TMEM131: variants seen among roughly 807,000 people sequenced by gnomAD.
TMEM131 encodes 2610524E03Rik.
Under a neutral mutation model 211.6 loss-of-function variants are expected in TMEM131, and 66 were observed. The ratio of observed to expected loss-of-function variants is 0.31; its 90% CI spans 0.26 to 0.38. The LOEUF (loss-of-function observed/expected upper bound fraction) is 0.38. Ranked by LOEUF, TMEM131 falls within the 10% of genes least tolerant of loss-of-function variation. TMEM131 has a pLI of 1.00. For missense variants in TMEM131, 2,036 were observed against 2,299.3 expected, an observed-to-expected ratio of 0.89 and a Z score of 2.34; for synonymous variants, 844 against 841.3, an observed-to-expected ratio of 1.00 and a Z score of -0.06.
intron 7 of TMEM131, among the ~76,000 whole-genome samples, chr2:97,838,288 A>G (rs2105082725): frequency 6.6e-6 from 1 of 152,310 alleles, no homozygotes; most frequent in East Asian, 1.9e-4. Context: ...CTTAAAAAGA[A>G]AAAATATATT....
chr2:97,946,612 G>A (rs1215445808), intron 1 of TMEM131, among the ~76,000 whole-genome samples: 2 of 151,858 alleles, frequency 1.3e-5, no homozygotes, highest in East Asian at 3.9e-4. Context: ...TTCTCACAAA[G>A]ATAACTCCAG....
chr2:97,892,578 G>A (rs989823523), intron 3 of TMEM131, among the ~76,000 whole-genome samples: 1 of 152,136 alleles, frequency 6.6e-6, no homozygotes, highest in Non-Finnish European at 1.5e-5. Context: ...CCCCAGGCTA[G>A]TTTCAAACTC....
At chr2:97,961,661 A>G (rs953016028) in intron 1 of TMEM131, among the ~76,000 whole-genome samples, 5 of 152,230 alleles carry the variant, frequency 3.3e-5, no homozygotes, top group Non-Finnish European at 7.3e-5. Context: ...AACCAAGCTA[A>G]TACAGAACTG....
At chr2:97,985,862 A>T (rs1680003927) in intron 1 of TMEM131, among the ~76,000 whole-genome samples, 1 of 152,084 alleles carries the variant, frequency 6.6e-6, no homozygotes, top group South Asian at 2.1e-4. Context: ...AGAGATTTGC[A>T]TTTAAAGATG....
chr2:97,823,545 A>G (rs1018422442), intron 11 of TMEM131, among the ~76,000 whole-genome samples: 6 of 152,224 alleles, frequency 3.9e-5, no homozygotes, highest in African/African-American at 1.4e-4. Context: ...TTAGCCAAGT[A>G]AATGATAGAA....
At position 97,858,122 on chromosome 2, in the gene TMEM131, G is replaced by A. The variant is rs76257258; in HGVS notation, c.483+1182C>T. 9.9e-4 allele frequency among the ~76,000 whole-genome samples: 150 copies of A among 152,210 alleles called. 3 individuals are homozygous for A. The East Asian group carries it at 0.016, about 16-fold the overall frequency. ...TATGATGAAACAGGATTTTAGAGAGGAGAAATGTAAACATCAAATAAATGA... is the reference window on the plus strand; with the variant it reads ...TATGATGAAACAGGATTTTAGAGAGAAGAAATGTAAACATCAAATAAATGA... On this transcript the variant is annotated intron_variant, in intron 5 of 40. Coordinates refer to ENST00000186436, the MANE Select transcript of TMEM131 (RefSeq NM_015348.2).
At chr2:97,836,781 G>A (rs1423321042) in intron 8 of TMEM131, among the ~76,000 whole-genome samples, 1 of 151,966 alleles carries the variant, frequency 6.6e-6, no homozygotes, top group African/African-American at 2.4e-5. Context: ...TAAATTATCA[G>A]ACTCAGAGAC....
At chr2:97,796,183 T>C (rs952406376) in intron 28 of TMEM131, 35 bp downstream of exon 28, 13 of 1,262,258 alleles carry the variant, frequency 1.0e-5, no homozygotes, top group Middle Eastern at 2.4e-4. Context: ...TGAGGAAAGT[T>C]AGTGATTCAT....
chr2:97,868,303 T>C (rs1018053035), intron 4 of TMEM131, among the ~76,000 whole-genome samples: 1 of 150,916 alleles, frequency 6.6e-6, no homozygotes, highest in African/African-American at 2.4e-5. Flanking sequence ...TCTATGTCTA[T>C]CTATCTATCT....
chr2:97,921,654 G>A (rs886994103), intron 2 of TMEM131, among the ~76,000 whole-genome samples: 10 of 152,094 alleles, frequency 6.6e-5, no homozygotes, highest in Admixed American at 2.0e-4. Flanking sequence ...GTGAGGTTAC[G>A]GCTCCAGGAA....
chr2:97,857,483 G>A (rs113299266), intron 5 of TMEM131, among the ~76,000 whole-genome samples: 1 of 152,160 alleles, frequency 6.6e-6, no homozygotes, highest in African/African-American at 2.4e-5. Flanking sequence ...GAAGTGTTCA[G>A]AAACAACAAA....
At chr2:97,937,190 G>A (rs148336137) in intron 1 of TMEM131, among the ~76,000 whole-genome samples, 2 of 152,042 alleles carry the variant, frequency 1.3e-5, no homozygotes, top group Non-Finnish European at 2.9e-5. Flanking sequence ...TGAGAACAAC[G>A]CTTCACCAAA....
Position 97,756,870 on chromosome 2 carries a change from T to C in TMEM131, c.*229A>G, listed in dbSNP as rs1678511966. 2 of 448,066 alleles carry C rather than the reference T, an allele frequency of 4.5e-6. No individual in the cohort carries two copies. Among genetic ancestry groups the C allele is most frequent in the Non-Finnish European group, 7.7e-6 (2 of 260,604 alleles). The allele number at this position is 448,066 out of a possible 1,614,324, so 27.8% of individuals were successfully genotyped here. A position where few individuals can be genotyped will look rare whatever the true frequency, so the allele number is the denominator to read the frequency against. On this transcript the variant is annotated 3_prime_UTR_variant, in exon 41 of 41. Transcript: ENST00000186436. ...TACAGGTCTTATTAGAGTTTGTGGC[T>C]GAGTCCAGACTTTTCTCTAAAAGCA...
intron 1 of TMEM131, among the ~76,000 whole-genome samples, chr2:97,931,939 C>T (rs1043483949): frequency 2.0e-5 from 3 of 152,156 alleles, no homozygotes; most frequent in Admixed American, 1.3e-4. Flanking sequence ...ATTATATTCC[C>T]TATCTTAATT....
At position 97,766,129 on chromosome 2, in the gene TMEM131, G is replaced by C. The variant is rs1238945620; in HGVS notation, c.4708C>G (p.His1570Asp). The change falls in exon 35 of 41, where the codon CAC becomes GAC. Residue 1570 changes from histidine (H) to aspartate (D), a missense_variant. Physicochemically the swap from His to Asp is moderately conservative, Grantham distance 81. Around this residue, in one of 3 missense-constraint regions of TMEM131, gnomAD observed 1,623 missense variants for 1,805.9 expected, o/e 0.90. Coordinates refer to ENST00000186436, the MANE Select transcript of TMEM131 (RefSeq NM_015348.2). ...PPPEWDSVPV[H>D]KPGSSTDSLY... is the part of the protein sequence containing the mutation. ...CTATACTTACAGCTGCCAGGTTTGT[G>C]AACTGGAACGGAATCCCACTCCGGT... 1 of 1,614,034 alleles carries C rather than the reference G, an allele frequency of 6.2e-7. No individual in the cohort carries two copies.
At chr2:97,886,503 T>A (rs927909246) in intron 4 of TMEM131, among the ~76,000 whole-genome samples, 4 of 152,198 alleles carry the variant, frequency 2.6e-5, no homozygotes, top group African/African-American at 9.7e-5. Context: ...AGGTGGGCAC[T>A]GTAGTGTAGT....
intron 4 of TMEM131, among the ~76,000 whole-genome samples, chr2:97,885,969 CTTTTTT>C (rs1265575643): frequency 6.6e-6 from 1 of 151,926 alleles, no homozygotes; most frequent in Admixed American, 6.6e-5. Flanking sequence ...ACCCTTTTTT[CTTTTTT>C]TGTCTGCCTG....
intron 31 of TMEM131, among the ~76,000 whole-genome samples, chr2:97,782,089 C>T (rs1390504314): frequency 2.0e-5 from 3 of 152,180 alleles, no homozygotes; most frequent in Non-Finnish European, 4.4e-5. Flanking sequence ...CAGTAATGAA[C>T]GCCCTTCCTG....
At chr2:97,794,116 G>A (rs1680646869) in intron 29 of TMEM131, among the ~76,000 whole-genome samples, 2 of 151,274 alleles carry the variant, frequency 1.3e-5, no homozygotes, top group Admixed American at 1.3e-4. Context: ...GCCCAGGCTG[G>A]AGTGCAATGG....
Sources: allele counts gnomAD v4.1 joint callset (sites outside exome capture counted in the v4.1 genomes callset), GRCh38; gene constraint gnomAD v4.1.1; regional missense constraint gnomAD v4.1.1; transcripts MANE v1.5; gene names NCBI Gene and HGNC (gene_info 2026-07-23, HGNC 2026-07-21).